Variants in AFG2A observed in about 807,000 individuals in gnomAD.
AFG2A encodes AAA ATPase AFG2A, also known as ATPase family gene 2 protein homolog A.
chr4:123,192,103 T>G, the AFG2A span, among the ~76,000 whole-genome samples: 3 of 152,036 alleles, frequency 2.0e-5, no homozygotes, highest in Non-Finnish European at 4.4e-5. Flanking sequence ...CTTAGCTCAC[T>G]GCAACCTCCG....
chr4:123,034,779 T>G, the AFG2A span, among the ~76,000 whole-genome samples: 1 of 152,146 alleles, frequency 6.6e-6, no homozygotes, highest in Non-Finnish European at 1.5e-5. Flanking sequence ...TCTGTAAATC[T>G]TAAACTTTGC....
At chr4:122,928,811 A>T in the AFG2A span, among the ~76,000 whole-genome samples, 1 of 152,156 alleles carries the variant, frequency 6.6e-6, no homozygotes, top group Non-Finnish European at 1.5e-5. Context: ...TTAGAAAAAG[A>T]TGTAATATTT....
chr4:123,145,752 A>G, the AFG2A span, among the ~76,000 whole-genome samples: 1 of 152,080 alleles, frequency 6.6e-6, no homozygotes. Flanking sequence ...CTGATCCCCA[A>G]TGAGGTATAT....
chr4:123,277,342 T>G, the AFG2A span, among the ~76,000 whole-genome samples: 3 of 152,176 alleles, frequency 2.0e-5, no homozygotes, highest in Admixed American at 6.6e-5. Flanking sequence ...ATCCTGAAAC[T>G]TTTACTGAAG....
chr4:123,129,800 G>A, the AFG2A span, among the ~76,000 whole-genome samples: 82 of 152,192 alleles, frequency 5.4e-4, no homozygotes, highest in African/African-American at 2.0e-3. Flanking sequence ...TCTTTGCTCT[G>A]ACCGATTCAA....
the AFG2A span, chr4:123,315,656 G>T: frequency 6.6e-6 from 1 of 152,160 alleles, no homozygotes; most frequent in Admixed American, 6.5e-5. Context: ...AACTGGCAAT[G>T]GGAAGAATGT....
the AFG2A span, among the ~76,000 whole-genome samples, chr4:122,959,023 C>A: frequency 6.6e-6 from 1 of 152,104 alleles, no homozygotes; most frequent in Non-Finnish European, 1.5e-5. Flanking sequence ...GTTCTGGGGT[C>A]TATCCTGCTG....
the AFG2A span, among the ~76,000 whole-genome samples, chr4:122,978,132 G>A: frequency 0.012 from 1,836 of 151,616 alleles, 42 homozygotes; most frequent in African/African-American, 0.041. Flanking sequence ...AGTTCTCAGC[G>A]GAGAGGAGAC....
chr4:123,198,997 T>G, the AFG2A span, among the ~76,000 whole-genome samples: 2 of 152,334 alleles, frequency 1.3e-5, no homozygotes, highest in South Asian at 4.2e-4. Context: ...GTACTGGTGA[T>G]GCTGTGAGTG....
the AFG2A span, among the ~76,000 whole-genome samples, chr4:123,259,140 T>G: frequency 6.6e-6 from 1 of 152,224 alleles, no homozygotes; most frequent in Non-Finnish European, 1.5e-5. Flanking sequence ...GTGCTGGGAT[T>G]ACAGGCATGA....
the AFG2A span, among the ~76,000 whole-genome samples, chr4:122,973,158 G>C: frequency 5.9e-5 from 9 of 151,998 alleles, no homozygotes; most frequent in African/African-American, 2.2e-4. Context: ...CGAGTGTCTG[G>C]TGATGCCTCT....
At chr4:122,934,274 G>A in the AFG2A span, 1 of 1,614,174 alleles carries the variant, frequency 6.2e-7, no homozygotes, top group Non-Finnish European at 8.5e-7. Context: ...GAAACCAGTA[G>A]CCTGGAGTTA....
chr4:123,016,569 C>G, the AFG2A span, among the ~76,000 whole-genome samples: 2 of 150,672 alleles, frequency 1.3e-5, no homozygotes, highest in Non-Finnish European at 3.0e-5. Context: ...GGGATGGCGG[C>G]CGGGTAGAGG....
the AFG2A span, among the ~76,000 whole-genome samples, chr4:123,126,425 C>T: frequency 2.6e-5 from 4 of 152,108 alleles, no homozygotes; most frequent in South Asian, 6.2e-4. Flanking sequence ...TTCATGTGTT[C>T]CAGGTTTTTC....
the AFG2A span, chr4:123,028,554 T>C: frequency 1.6e-6 from 1 of 616,056 alleles, no homozygotes; most frequent in Non-Finnish European, 2.8e-6. Flanking sequence ...GGGAGATGAG[T>C]GATAAGAAAT....
At chr4:122,979,770 G>A in the AFG2A span, among the ~76,000 whole-genome samples, 1 of 152,090 alleles carries the variant, frequency 6.6e-6, no homozygotes, top group East Asian at 1.9e-4. Flanking sequence ...GTGTGGTGGT[G>A]TACACCTGTA....
chr4:122,939,071 C>CTCTCTTTTTTTTTTTTTTTTTTTTTTTT, the AFG2A span, among the ~76,000 whole-genome samples: 13 of 76,210 alleles, frequency 1.7e-4, 5 homozygotes, highest in Admixed American at 2.9e-4. Context: ...GGGATATGTT[C>CTCTCTTTTTTTTTTTTTTTTTTTTTTTT]TTTCTTTTTT....
the AFG2A span, among the ~76,000 whole-genome samples, chr4:123,069,524 G>A: frequency 8.5e-5 from 13 of 152,246 alleles, no homozygotes; most frequent in East Asian, 5.8e-4. Flanking sequence ...AACAGATGAA[G>A]AGAACTTTTG....
At chr4:123,035,982 A>G in the AFG2A span, among the ~76,000 whole-genome samples, 126,638 of 152,102 alleles carry the variant, frequency 0.83, 53,890 homozygotes, top group East Asian at 0.97. Context: ...GATGTAGAGA[A>G]ACTAGTTTTT....
Sources: allele counts gnomAD v4.1 joint callset (sites outside exome capture counted in the v4.1 genomes callset), GRCh38; gene constraint gnomAD v4.1.1; transcripts MANE v1.5; gene names NCBI Gene and HGNC (gene_info 2026-07-23, HGNC 2026-07-21).